Variants in C13orf46 observed in about 807,000 individuals in gnomAD.
C13orf46 encodes chromosome 13 open reading frame 46.
chr13:113,968,614 C>T lies in C13orf46; in HGVS notation c.389G>A (p.Gly130Glu), dbSNP rs1187407768. The part of the protein sequence containing the change: ...QEVQEGEHAD[G>E]GLQEAKEQEA... ...CCCAACCTTGGCCTCCTGCAAGCCT[C>T]CGTCTGCGTGCTCGCCTTCCTGCAC... The change falls in exon 3 of 7, where the codon GGA becomes GAA. Residue 130 changes from glycine (G) to glutamate (E), a missense_variant. Transcript: ENST00000636427. The T allele has an allele frequency of 2.6e-5, 4 of 152,406 alleles. No homozygotes were observed. The highest frequency in any genetic ancestry group is 4.4e-5 in the Non-Finnish European group (3 of 68,118). 9.4% of individuals were successfully genotyped at this position (152,406 alleles called of 1,614,324 possible). A position where few individuals can be genotyped will look rare whatever the true frequency, so the allele number is the denominator to read the frequency against.
downstream of C13orf46, among the ~76,000 whole-genome samples, chr13:113,949,832 C>G (rs1326545983): frequency 6.6e-6 from 1 of 151,334 alleles, no homozygotes; most frequent in Non-Finnish European, 1.5e-5. Flanking sequence ...CCTTGGTGCT[C>G]CCATCTGTAG....
chr13:113,943,837 G>A, the C13orf46 span, among the ~76,000 whole-genome samples: 2 of 152,170 alleles, frequency 1.3e-5, no homozygotes, highest in African/African-American at 4.8e-5. Context: ...GACATTCCAT[G>A]GAAACACCTG....
the C13orf46 span, among the ~76,000 whole-genome samples, chr13:113,945,539 GAGAAAGAAAGAA>G: frequency 0.03 from 2,193 of 73,572 alleles, 66 homozygotes; most frequent in Non-Finnish European, 0.051. Context: ...GCGAGAATCT[GAGAAAGAAAGAA>G]AGAAAGAAAG....
chr13:113,964,295 T>C (rs1271991503), intron 6 of C13orf46, among the ~76,000 whole-genome samples: 1 of 152,254 alleles, frequency 6.6e-6, no homozygotes, highest in African/African-American at 2.4e-5. Flanking sequence ...AATAAAACAC[T>C]ATAGATCCAT....
chr13:113,945,169 C>T, the C13orf46 span, among the ~76,000 whole-genome samples: 7 of 152,074 alleles, frequency 4.6e-5, no homozygotes, highest in East Asian at 1.9e-4. Flanking sequence ...TGGGCCGTTC[C>T]GGGTTTCATG....
At chr13:113,930,618 C>T in the C13orf46 span, among the ~76,000 whole-genome samples, 2 of 152,154 alleles carry the variant, frequency 1.3e-5, no homozygotes, top group Non-Finnish European at 2.9e-5. Context: ...CTGGAAGGAC[C>T]CAAGAACCTG....
downstream of C13orf46, among the ~76,000 whole-genome samples, chr13:113,949,970 C>A (rs1351132678): frequency 6.6e-6 from 1 of 151,772 alleles, no homozygotes; most frequent in African/African-American, 2.4e-5. Context: ...ACCTCGGGGA[C>A]CTCAGTGCTT....
chr13:113,930,993 G>C, the C13orf46 span, among the ~76,000 whole-genome samples: 3 of 152,354 alleles, frequency 2.0e-5, no homozygotes, highest in Non-Finnish European at 4.4e-5. Flanking sequence ...GAGGGAGCCG[G>C]CTGGGGTGAC....
At chr13:113,940,190 G>A in the C13orf46 span, among the ~76,000 whole-genome samples, 313 of 152,364 alleles carry the variant, frequency 2.1e-3, no homozygotes, top group African/African-American at 7.1e-3. Flanking sequence ...CTGAAGAGGG[G>A]AAGGAAGAGT....
downstream of C13orf46, among the ~76,000 whole-genome samples, chr13:113,951,819 G>A (rs941248887): frequency 6.6e-6 from 1 of 152,266 alleles, no homozygotes; most frequent in Non-Finnish European, 1.5e-5. Context: ...GACGCCCAGA[G>A]GGAACGGGGC....
intron 5 of C13orf46, among the ~76,000 whole-genome samples, chr13:113,965,896 G>T (rs1219439564): frequency 6.8e-6 from 1 of 146,476 alleles, no homozygotes; most frequent in Non-Finnish European, 1.5e-5. Context: ...AATGGTGATG[G>T]TGATGATGGC....
At chr13:113,940,078 C>G in the C13orf46 span, among the ~76,000 whole-genome samples, 5 of 152,366 alleles carry the variant, frequency 3.3e-5, no homozygotes, top group Non-Finnish European at 5.9e-5. Context: ...AAGAGGCTAC[C>G]TGCCTGCCTG....
the C13orf46 span, among the ~76,000 whole-genome samples, chr13:113,938,774 C>T: frequency 6.6e-6 from 1 of 152,218 alleles, no homozygotes; most frequent in Non-Finnish European, 1.5e-5. Context: ...TAGCTTCTCT[C>T]AACACACAGC....
At chr13:113,945,672 G>A in the C13orf46 span, among the ~76,000 whole-genome samples, 1 of 131,306 alleles carries the variant, frequency 7.6e-6, no homozygotes, top group African/African-American at 2.8e-5. Context: ...AAGAAAGAAA[G>A]GAAAGAAAAA....
chr13:113,931,562 TCTG>T, the C13orf46 span, among the ~76,000 whole-genome samples: 502 of 152,328 alleles, frequency 3.3e-3, 3 homozygotes, highest in Non-Finnish European at 5.6e-3. Flanking sequence ...GGTGTGACAT[TCTG>T]CTGTTTCTCG....
chr13:113,928,190 C>A, the C13orf46 span: 1 of 152,322 alleles, frequency 6.6e-6, no homozygotes, highest in African/African-American at 2.4e-5. Context: ...GAGCCGCGGC[C>A]CCTGCACAGC....
At chr13:113,945,575 A>AAGAAAGAAAGAAAGAAAGAAAG in the C13orf46 span, among the ~76,000 whole-genome samples, 9 of 89,142 alleles carry the variant, frequency 1.0e-4, no homozygotes, top group African/African-American at 3.4e-4. Context: ...GAAAGAAAGA[A>AAGAAAGAAAGAAAGAAAGAAAG]AGAGAGAGAG....
At chr13:113,945,025 ATCCTCCAGGTGTGACAAG>A in the C13orf46 span, among the ~76,000 whole-genome samples, 1 of 84,096 alleles carries the variant, frequency 1.2e-5, no homozygotes, top group African/African-American at 4.8e-5. Context: ...TGTGTGATGG[ATCCTCCAGGTGTGACAAG>A]TCCTCCAGGT....
At chr13:113,970,746 G>A (rs1418953280) in intron 1 of C13orf46, among the ~76,000 whole-genome samples, 2 of 152,194 alleles carry the variant, frequency 1.3e-5, no homozygotes, top group Non-Finnish European at 2.9e-5. Flanking sequence ...GAGAGGCATT[G>A]CGGGATGTTT....
Sources: allele counts gnomAD v4.1 joint callset (sites outside exome capture counted in the v4.1 genomes callset), GRCh38; gene constraint gnomAD v4.1.1; transcripts MANE v1.5; gene names NCBI Gene and HGNC (gene_info 2026-07-23, HGNC 2026-07-21).